RELN: variants seen among roughly 807,000 people sequenced by gnomAD.
The protein encoded by RELN is reelin.
RELN carries 108 observed loss-of-function variants against 427.6 expected under a neutral mutation model. The observed-to-expected ratio is 0.25, with a 90% CI of 0.22 to 0.30. The LOEUF (loss-of-function observed/expected upper bound fraction) is 0.30. RELN is among the 10% of genes least tolerant of loss of function. The pLI, the probability that RELN is intolerant of heterozygous loss-of-function variation, is 1.00. For missense variants in RELN, 3,715 were observed against 4,302.8 expected (o/e 0.86, Z 3.82); for synonymous variants, 1,524 against 1,513.4 (o/e 1.01, Z -0.16).
intron 8 of RELN, among the ~76,000 whole-genome samples, chr7:103,716,603 C>T (rs6958433): frequency 0.2 from 30,602 of 152,080 alleles, 3,705 homozygotes; most frequent in South Asian, 0.37. Context: ...TATTCAGCAC[C>T]AATGTGGAAC....
intron 2 of RELN, among the ~76,000 whole-genome samples, chr7:103,843,170 A>C (rs1793595296): frequency 6.6e-6 from 1 of 152,060 alleles, no homozygotes. Context: ...TATTATTATC[A>C]TTCCCATTTT....
intron 2 of RELN, among the ~76,000 whole-genome samples, chr7:103,875,099 C>A (rs945179398): frequency 6.9e-6 from 1 of 145,616 alleles, no homozygotes; most frequent in African/African-American, 2.5e-5. Context: ...GAAAAACAAG[C>A]AATGGGGAAA....
rs1832424131 is a variant in RELN at position 103,630,304 on chromosome 7, T to C, written c.2466-128A>G. On this transcript the variant is annotated intron_variant, in intron 19 of 64. Transcript: ENST00000428762. ...AGTTCTCCCATGATTATAAACATTT[T>C]TTTTTGAGATGTCCAGTTTCCTGTC... The C allele has an allele frequency of 5.9e-6, 4 of 682,198 alleles. No individual in the cohort carries two copies. In the East Asian group the frequency reaches 1.1e-4, roughly 19 times the overall value. 42.3% of individuals were successfully genotyped at this position (682,198 alleles called of 1,614,324 possible).
In RELN at chr7:103,729,624, G is replaced by A. The variant is rs111490878; in HGVS notation, c.657-1417C>T. Among the ~76,000 whole-genome samples the A allele has an allele frequency of 9.6e-4, 146 of 152,246 alleles. 1 individual carries two copies. Among genetic ancestry groups the A allele is most frequent in the African/African-American group, 3.4e-3 (143 of 41,570 alleles). On this transcript the variant is annotated intron_variant, in intron 6 of 64. Coordinates refer to ENST00000428762, the MANE Select transcript of RELN (RefSeq NM_005045.4). Reference sequence around the variant, plus strand: ...TCTTCCCTTGGTTACTGTGAAGCAAGACATTAGAAGAGACAACAGCAGTAG... The same window carrying A: ...TCTTCCCTTGGTTACTGTGAAGCAAAACATTAGAAGAGACAACAGCAGTAG...
At chr7:103,657,691 G>T (rs1273150286) in intron 12 of RELN, among the ~76,000 whole-genome samples, 1 of 152,084 alleles carries the variant, frequency 6.6e-6, no homozygotes, top group Non-Finnish European at 1.5e-5. Flanking sequence ...ACTTTAAAAT[G>T]ATGACAGATT....
intron 3 of RELN, among the ~76,000 whole-genome samples, chr7:103,825,773 C>T (rs1358281736): frequency 6.6e-6 from 1 of 152,066 alleles, no homozygotes; most frequent in African/African-American, 2.4e-5. Context: ...AACTGAGGAA[C>T]TGAATTTTTT....
Position 103,968,138 on chromosome 7 carries a change from T to TTTG in RELN, c.226+20992_226+20993insCAA, listed in dbSNP as rs1182203628. On this transcript the variant is annotated intron_variant, in intron 1 of 64. Coordinates refer to ENST00000428762, the MANE Select transcript of RELN (RefSeq NM_005045.4). This position sits in a 1 kb window ranked among gnomAD's most constrained non-coding sequence, Gnocchi z 4.3. ...GTATTTCATTGATCAAACAGAATACTTTCTACAAAGTAGGCCCTCAACAAA... is the reference window on the plus strand; with the variant it reads ...GTATTTCATTGATCAAACAGAATACTTTGTTCTACAAAGTAGGCCCTCAACAAA... Among the ~76,000 whole-genome samples the TTTG allele has an allele frequency of 3.3e-5, 5 of 151,820 alleles. No individual in the cohort carries two copies. The highest frequency in any genetic ancestry group is 3.3e-4 in the Admixed American group (5 of 15,228).
chr7:103,625,376 A>C (rs1378908938), intron 20 of RELN, among the ~76,000 whole-genome samples: 2 of 152,260 alleles, frequency 1.3e-5, no homozygotes, highest in Non-Finnish European at 2.9e-5. Flanking sequence ...AATCTAGTTT[A>C]TACAATAAAG....
At chr7:103,764,711 C>T (rs1204774342) in intron 4 of RELN, among the ~76,000 whole-genome samples, 2 of 151,804 alleles carry the variant, frequency 1.3e-5, no homozygotes, top group Non-Finnish European at 2.9e-5. Context: ...TGGTGCATGC[C>T]TGTAGTCCCA....
chr7:103,559,595 A>G (rs1008798797), intron 36 of RELN, among the ~76,000 whole-genome samples: 2 of 152,132 alleles, frequency 1.3e-5, no homozygotes, highest in African/African-American at 4.8e-5. Flanking sequence ...TTGTTTTAAG[A>G]GACAGAGTCT....
chr7:103,669,764 T>A (rs1216973330), intron 11 of RELN, among the ~76,000 whole-genome samples: 1 of 152,152 alleles, frequency 6.6e-6, no homozygotes, highest in Non-Finnish European at 1.5e-5. Context: ...AATGCAGTTC[T>A]ATGTGAAGTG....
chr7:103,648,033 C>T (rs950200355), intron 16 of RELN, among the ~76,000 whole-genome samples: 7 of 152,060 alleles, frequency 4.6e-5, no homozygotes, highest in African/African-American at 1.4e-4. Context: ...ATATCTCTTA[C>T]CATACACAAA....
intron 4 of RELN, among the ~76,000 whole-genome samples, chr7:103,754,659 C>G (rs1162715636): frequency 6.6e-6 from 1 of 152,102 alleles, no homozygotes; most frequent in Admixed American, 6.6e-5. Context: ...GCCTGTAGTC[C>G]TAGCTACTCA....
intron 20 of RELN, among the ~76,000 whole-genome samples, chr7:103,614,482 G>A (rs1832035375): frequency 6.6e-6 from 1 of 152,186 alleles, no homozygotes; most frequent in Admixed American, 6.5e-5. Flanking sequence ...CCTTTTCCCT[G>A]TTGCTCCTAT....
chr7:103,632,479 T>G (rs1446886997), intron 19 of RELN, among the ~76,000 whole-genome samples: 3 of 152,216 alleles, frequency 2.0e-5, no homozygotes, highest in Admixed American at 2.0e-4. Flanking sequence ...AGACTATAAG[T>G]GCTAATGCCA....
chr7:103,543,808 T>C (rs539656966), intron 42 of RELN, among the ~76,000 whole-genome samples: 1 of 152,266 alleles, frequency 6.6e-6, no homozygotes, highest in East Asian at 1.9e-4. Flanking sequence ...AAGTAAACAA[T>C]TCACTGGCAT....
At chr7:103,485,089 G>C (rs1828382643) in intron 61 of RELN, among the ~76,000 whole-genome samples, 1 of 152,120 alleles carries the variant, frequency 6.6e-6, no homozygotes, top group South Asian at 2.1e-4. Flanking sequence ...TAAAGAGCTA[G>C]ACTTAGAAAC....
At chr7:103,977,980 A>G (rs908438968) in intron 1 of RELN, among the ~76,000 whole-genome samples, 1 of 152,248 alleles carries the variant, frequency 6.6e-6, no homozygotes, top group African/African-American at 2.4e-5. Flanking sequence ...AACCATCCTT[A>G]AATTCTGATT....
At chr7:103,786,793 C>T (rs758880221) in intron 3 of RELN, among the ~76,000 whole-genome samples, 9 of 152,004 alleles carry the variant, frequency 5.9e-5, no homozygotes, top group East Asian at 1.9e-4. Flanking sequence ...GACAGATCAA[C>T]GAAGCAGAAA....
Sources: allele counts gnomAD v4.1 joint callset (sites outside exome capture counted in the v4.1 genomes callset), GRCh38; gene constraint gnomAD v4.1.1; non-coding constraint Gnocchi (gnomAD v3.1); transcripts MANE v1.5; gene names NCBI Gene and HGNC (gene_info 2026-07-23, HGNC 2026-07-21).